Variants in PLEKHB2 observed in about 807,000 individuals in gnomAD.
PLEKHB2 encodes pleckstrin homology domain containing B2, also known as pleckstrin homology domain-containing family B member 2.
Under a neutral mutation model 36.5 loss-of-function variants are expected in PLEKHB2, and 31 were observed. The observed-to-expected ratio is 0.85, with a 90% confidence interval of 0.64 to 1.15. PLEKHB2 has a LOEUF of 1.15. Among genes scored for constraint, PLEKHB2 ranks in the 50% most tolerant of loss-of-function variants. The probability of loss-of-function intolerance (pLI) is 0.00; values close to 1 mark genes in which losing one functional copy is unlikely to be tolerated. For missense variants in PLEKHB2, 262 were observed against 295.3 expected, an observed-to-expected ratio of 0.89 and a Z score of 0.83; for synonymous variants, 119 against 112.0, an observed-to-expected ratio of 1.06 and a Z score of -0.39.
intron 7 of PLEKHB2, among the ~76,000 whole-genome samples, chr2:131,142,223 T>C (rs928624287): frequency 2.6e-5 from 4 of 152,208 alleles, no homozygotes; most frequent in Non-Finnish European, 5.9e-5. Flanking sequence ...CAGAGGGGAA[T>C]CCATTCTTTT....
chr2:131,122,247 C>T (rs945382018), intron 2 of PLEKHB2, among the ~76,000 whole-genome samples: 2 of 152,102 alleles, frequency 1.3e-5, no homozygotes, highest in South Asian at 2.1e-4. Flanking sequence ...AAGAACCAGT[C>T]TTATTTATTA....
chr2:131,133,801 A>G (rs911601330), intron 6 of PLEKHB2, among the ~76,000 whole-genome samples: 1 of 152,136 alleles, frequency 6.6e-6, no homozygotes, highest in Non-Finnish European at 1.5e-5. Flanking sequence ...ATGAAATCAT[A>G]TAGCACGTGG....
intron 1 of PLEKHB2, among the ~76,000 whole-genome samples, chr2:131,119,728 C>G (rs1696275919): frequency 6.6e-6 from 1 of 152,026 alleles, no homozygotes; most frequent in African/African-American, 2.4e-5. Flanking sequence ...TGCTGGGTGT[C>G]TTGGAGGTTT....
chr2:131,118,728 C>T (rs901738171), intron 1 of PLEKHB2, among the ~76,000 whole-genome samples: 1 of 151,352 alleles, frequency 6.6e-6, no homozygotes. Flanking sequence ...ATTAGCCGGG[C>T]GTGGTGGCGG....
intron 6 of PLEKHB2, among the ~76,000 whole-genome samples, chr2:131,138,224 T>C (rs1698457464): frequency 6.6e-6 from 1 of 152,080 alleles, no homozygotes; most frequent in African/African-American, 2.4e-5. Context: ...TCTTGATATA[T>C]AAAAAATTGA....
Position 131,125,736 on chromosome 2 carries a change from C to T in PLEKHB2, c.38-17C>T. ...CTCTAAAAAAAAAAAAACAACCGTA[C>T]TATTTTTTTTTTCCAGGTACTATTT... On this transcript the variant is annotated splice_polypyrimidine_tract_variant and intron_variant, in intron 2 of 7. Transcript: ENST00000693505. The T allele has an allele frequency of 6.4e-7, 1 of 1,571,748 alleles. No homozygotes were observed. The highest frequency in any genetic ancestry group is 8.6e-7 in the Non-Finnish European group (1 of 1,161,054).
At chr2:131,144,148 A>G (rs1408091194) in intron 7 of PLEKHB2, among the ~76,000 whole-genome samples, 1 of 152,202 alleles carries the variant, frequency 6.6e-6, no homozygotes, top group African/African-American at 2.4e-5. Context: ...CCTGTCTGCC[A>G]GGGTCTCACT....
chr2:131,109,043 A>G (rs1241325536), intron 1 of PLEKHB2, among the ~76,000 whole-genome samples: 8 of 152,212 alleles, frequency 5.3e-5, no homozygotes, highest in East Asian at 3.9e-4. Context: ...TTTCAAAAGC[A>G]TATGATAGGC....
chr2:131,122,205 G>A (rs1323138914), intron 2 of PLEKHB2, among the ~76,000 whole-genome samples: 8 of 152,102 alleles, frequency 5.3e-5, no homozygotes, highest in Admixed American at 3.9e-4. Flanking sequence ...GTGAGCCACC[G>A]CGCCCGGCCT....
rs747693193 is a variant in PLEKHB2, at chr2:131,149,792, A to C, written c.*3019A>C. On this transcript the variant is annotated 3_prime_UTR_variant, in exon 8 of 8. Transcript: ENST00000693505. The stretch of plus-strand genomic sequence containing the variant: ...AACTGATTTTTTCCTACATACGCAA[A>C]TTGTACATTTGTAAGTGAAAATGTC... The C allele has an allele frequency of 2.0e-5, 3 of 152,230 alleles. No individual in the cohort carries two copies. Among genetic ancestry groups the C allele is most frequent in the Non-Finnish European group, 4.4e-5 (3 of 68,034 alleles). 9.4% of individuals were successfully genotyped at this position (152,230 alleles called of 1,614,324 possible). A position where few individuals can be genotyped will look rare whatever the true frequency, so the allele number is the denominator to read the frequency against.
intron 1 of PLEKHB2, among the ~76,000 whole-genome samples, chr2:131,117,988 G>T (rs2104815957): frequency 6.6e-6 from 1 of 152,264 alleles, no homozygotes; most frequent in Non-Finnish European, 1.5e-5. Context: ...GATATTTTAG[G>T]CTGTAAGTTG....
chr2:131,128,180 G>A (rs181966341), intron 4 of PLEKHB2, among the ~76,000 whole-genome samples: 87 of 152,308 alleles, frequency 5.7e-4, no homozygotes, highest in African/African-American at 2.0e-3. Flanking sequence ...AGAACAGGGT[G>A]GAACTACCAG....
chr2:131,119,604 C>G (rs1156671793), intron 1 of PLEKHB2, among the ~76,000 whole-genome samples: 1 of 152,196 alleles, frequency 6.6e-6, no homozygotes, highest in African/African-American at 2.4e-5. Flanking sequence ...AATTCCTAGT[C>G]ATGGTGAGAT....
chr2:131,120,864 A>T, intron 1 of PLEKHB2, 70 bp from the exon 2 acceptor site: 1 of 1,474,428 alleles, frequency 6.8e-7, no homozygotes, highest in Non-Finnish European at 9.5e-7. Flanking sequence ...GGATAAGGAT[A>T]GAGACTCGGG....
At position 131,115,341 on chromosome 2, in the gene PLEKHB2, C is replaced by CTTTTTTTT. The variant is rs1179533654; in HGVS notation, c.-8-5569_-8-5562dup. 4.2e-4 allele frequency among the ~76,000 whole-genome samples: 27 copies of CTTTTTTTT among 64,568 alleles called. 1 individual carries two copies. The highest frequency in any genetic ancestry group is 5.6e-4 in the Non-Finnish European group (19 of 33,866). The allele number at this position is 64,568 out of a possible 152,430, so 42.4% of individuals were successfully genotyped here. On this transcript the variant is annotated intron_variant, in intron 1 of 7. Coordinates refer to ENST00000693505, the MANE Select transcript of PLEKHB2 (RefSeq NM_001100623.2). ...GCCAAACCATTATCAGAAAGTATGTCTTTTTTTTTTTTTTTTTTTTTTTTT... is the reference window on the plus strand; with the variant it reads ...GCCAAACCATTATCAGAAAGTATGTCTTTTTTTTTTTTTTTTTTTTTTTTTTTTTTTTT...
At chr2:131,131,774 T>G (rs1318122874) in intron 5 of PLEKHB2, among the ~76,000 whole-genome samples, 2 of 151,814 alleles carry the variant, frequency 1.3e-5, no homozygotes, top group Non-Finnish European at 2.9e-5. Flanking sequence ...TTTTTTTTTT[T>G]TGGGTAAAAT....
At chr2:131,107,200 A>G (rs1694830323) in intron 1 of PLEKHB2, among the ~76,000 whole-genome samples, 1 of 152,240 alleles carries the variant, frequency 6.6e-6, no homozygotes, top group African/African-American at 2.4e-5. Context: ...ACTGCAAAAC[A>G]CACTGTTAAA....
chr2:131,135,888 G>A (rs188702519), intron 6 of PLEKHB2, among the ~76,000 whole-genome samples: 37 of 152,176 alleles, frequency 2.4e-4, no homozygotes, highest in Non-Finnish European at 4.4e-5. Context: ...GAATACAGGC[G>A]TGAGCCACCG....
In PLEKHB2 at chr2:131,120,871, C is replaced by T. The variant is rs190373042; in HGVS notation, c.-8-63C>T. ...GCTGAAGGGGATAAGGATAGAGACT[C>T]GGGCCGGACAGGCTATTCTCTTTCT... On this transcript the variant is annotated intron_variant, in intron 1 of 7. Transcript: ENST00000693505. 2.4e-5 allele frequency: 37 copies of T among 1,516,950 alleles called. No individual in the cohort carries two copies. In the East Asian group the frequency reaches 3.1e-4, roughly 13 times the overall value. 94.0% of individuals were successfully genotyped at this position (1,516,950 alleles called of 1,614,324 possible). A position where few individuals can be genotyped will look rare whatever the true frequency, so the allele number is the denominator to read the frequency against.
Sources: allele counts gnomAD v4.1 joint callset (sites outside exome capture counted in the v4.1 genomes callset), GRCh38; gene constraint gnomAD v4.1.1; transcripts MANE v1.5; gene names NCBI Gene and HGNC (gene_info 2026-07-23, HGNC 2026-07-21).